The following ZNF875 variants were observed in gnomAD, a reference collection of about 807,000 sequenced individuals.
ZNF875 encodes HKR1, GLI-Kruppel zinc finger family member.
ZNF875 carries 14 observed loss-of-function variants against 11.2 expected under a neutral mutation model. The observed-to-expected ratio is 1.26, with a 90% CI of 0.83 to 1.96. The LOEUF (loss-of-function observed/expected upper bound fraction) is 1.96, where lower values mean the gene tolerates loss of function less well. ZNF875 is among the 30% of genes most tolerant of loss of function. The pLI, the probability that ZNF875 is intolerant of heterozygous loss-of-function variation, is 0.00. For synonymous variants in ZNF875, 301 were observed against 281.1 expected, an observed-to-expected ratio of 1.07 and a Z score of -0.71; for missense variants, 752 against 760.4, an observed-to-expected ratio of 0.99 and a Z score of 0.13.
upstream of ZNF875, among the ~76,000 whole-genome samples, chr19:37,317,473 A>G (rs2030308396): frequency 6.6e-6 from 1 of 152,170 alleles, no homozygotes; most frequent in African/African-American, 2.4e-5. Flanking sequence ...CGCGCCTGGC[A>G]CTAGCCTGTT....
At chr19:37,339,510 GCACC>G (rs1366694643) in intron 2 of ZNF875, among the ~76,000 whole-genome samples, 1 of 150,574 alleles carries the variant, frequency 6.6e-6, no homozygotes, top group East Asian at 1.9e-4. Context: ...GAAGCATTGG[GCACC>G]CACAGCAGTT....
At chr19:37,361,967 AATAG>A in intron 4 of ZNF875, 138 bp from the exon 5 acceptor site, 1 of 627,224 alleles carries the variant, frequency 1.6e-6, no homozygotes, top group Non-Finnish European at 2.8e-6. Flanking sequence ...TGAAATGAAA[AATAG>A]ATGCTGGGAA....
chr19:37,354,484 A>G (rs1389951317), intron 4 of ZNF875, among the ~76,000 whole-genome samples: 1 of 151,626 alleles, frequency 6.6e-6, no homozygotes, highest in Non-Finnish European at 1.5e-5. Context: ...TCTTGTGACC[A>G]TTTCAGTCTG....
At chr19:37,324,389 A>G (rs1447001341) in intron 4 of ZNF875, 2 of 152,214 alleles carry the variant, frequency 1.3e-5, no homozygotes, top group African/African-American at 2.4e-5. Context: ...ACCCATCTGT[A>G]GACCTCAGGC....
At chr19:37,328,612 C>G (rs753276827) in intron 4 of ZNF875, 2 of 152,378 alleles carry the variant, frequency 1.3e-5, no homozygotes, top group Admixed American at 6.5e-5. Context: ...TCACCAGATG[C>G]AGGCCCCTCA....
At chr19:37,356,339 T>C (rs1394810707) in intron 4 of ZNF875, among the ~76,000 whole-genome samples, 1 of 152,232 alleles carries the variant, frequency 6.6e-6, no homozygotes, top group East Asian at 1.9e-4. Context: ...GAAATTTCCA[T>C]ACTGTTTGCC....
At chr19:37,321,436 C>T (rs998919695) in intron 1 of ZNF875, among the ~76,000 whole-genome samples, 4 of 152,146 alleles carry the variant, frequency 2.6e-5, no homozygotes, top group Non-Finnish European at 5.9e-5. Context: ...CCTGCTGACC[C>T]TCTCCCCACT....
chr19:37,323,882 G>A (rs1382636609), intron 3 of ZNF875, among the ~76,000 whole-genome samples: 1 of 152,206 alleles, frequency 6.6e-6, no homozygotes, highest in Non-Finnish European at 1.5e-5. Flanking sequence ...ACACCCCGGT[G>A]CATGTGCATC....
rs774156728 is a variant in ZNF875 at position 37,347,196 on chromosome 19, G to A, written c.40G>A (p.Val14Met). The A allele has an allele frequency of 2.2e-5, 36 of 1,614,042 alleles. No homozygotes were observed. Among genetic ancestry groups the A allele is most frequent in the Admixed American group, 6.7e-5 (4 of 60,016 alleles). ...GGTGTGTTTTGTGTTAAAGGCGTTC[G>A]TGGCATTCAGGGATGTGGCTGTGTA... ...GLLRAKKEAF[V>M]AFRDVAVYFT... is the part of the protein sequence containing the mutation. The change falls in exon 3 of 5, where the codon GTG becomes ATG. Residue 14 changes from valine to methionine, a missense_variant. Physicochemically the swap from Val to Met is conservative, Grantham distance 21 (BLOSUM62 1). Transcript: ENST00000392153.
intron 1 of ZNF875, among the ~76,000 whole-genome samples, chr19:37,321,089 G>T (rs749484211): frequency 6.6e-6 from 1 of 152,128 alleles, no homozygotes; most frequent in African/African-American, 2.4e-5. Flanking sequence ...GTGTAAGGCC[G>T]CAGGGATCTC....
Position 37,362,866 on chromosome 19 carries a change from T to G in ZNF875, c.1014T>G (p.Tyr338Ter). The change falls in exon 5 of 5, where the codon TAT becomes TAG. Residue 338 changes from tyrosine (Y) to a stop codon, truncating the protein, a stop_gained. Transcript: ENST00000392153. LOFTEE classifies it low-confidence loss of function (END_TRUNC). ...HQRTHSGLKP[Y>*]VCKECGQSFS... ...GGACACACTCAGGGCTCAAGCCTTA[T>G]GTGTGCAAGGAATGTGGGCAGAGCT... is the stretch of plus-strand genomic sequence containing the variant. The G allele has an allele frequency of 6.2e-7, 1 of 1,614,158 alleles. No homozygotes were observed. Among genetic ancestry groups the G allele is most frequent in the South Asian group, 1.1e-5 (1 of 91,080 alleles).
chr19:37,358,764 C>T (rs2039394849), intron 4 of ZNF875: 1 of 152,156 alleles, frequency 6.6e-6, no homozygotes, highest in Admixed American at 6.6e-5. Context: ...GGTGATCCAC[C>T]CACCTTGGCC....
rs763563841 is a variant in ZNF875, at chr19:37,363,047, T to C, written c.1195T>C (p.Cys399Arg). Reference sequence around the variant, plus strand: ...AGAGAAGCCTTACATTTGCAGGGAGTGTGAGCAAGGCTTTAGCCAGAAGTC... The same window carrying C: ...AGAGAAGCCTTACATTTGCAGGGAGCGTGAGCAAGGCTTTAGCCAGAAGTC... The part of the protein sequence containing the change: ...SGEKPYICRE[C>R]EQGFSQKSHL... Residue 399 changes from cysteine to arginine, a missense_variant, in exon 5 of 5, where the codon TGT (cysteine) becomes CGT (arginine). By Grantham distance (180) the Cys-to-Arg change is radical (BLOSUM62 -3). Transcript: ENST00000392153. 5.7e-5 allele frequency: 92 copies of C among 1,613,724 alleles called. No homozygotes were observed. The highest frequency in any genetic ancestry group is 7.8e-5 in the Non-Finnish European group (92 of 1,179,980).
chr19:37,336,642 C>A (rs1231294119), intron 2 of ZNF875, among the ~76,000 whole-genome samples: 1 of 151,724 alleles, frequency 6.6e-6, no homozygotes, highest in African/African-American at 2.4e-5. Flanking sequence ...GGCGTGGTGG[C>A]TCAGGCCTGT....
chr19:37,358,368 C>T (rs940811153), intron 4 of ZNF875, among the ~76,000 whole-genome samples: 1 of 151,560 alleles, frequency 6.6e-6, no homozygotes, highest in African/African-American at 2.4e-5. Flanking sequence ...ATCTCCTGAC[C>T]TCGTGATCCG....
intron 2 of ZNF875, chr19:37,344,621 A>T: frequency 7.3e-7 from 1 of 1,370,834 alleles, no homozygotes; most frequent in Admixed American, 1.7e-5. Context: ...TGGCAAGCAG[A>T]TGAATTAACT....
intron 4 of ZNF875, among the ~76,000 whole-genome samples, chr19:37,352,512 G>A (rs2038094495): frequency 6.6e-6 from 1 of 151,936 alleles, no homozygotes; most frequent in Admixed American, 6.6e-5. Context: ...CCAAAGTGCT[G>A]GGATTACAGA....
chr19:37,358,131 ATC>A, intron 4 of ZNF875: 13 of 174,186 alleles, frequency 7.5e-5, no homozygotes, highest in Non-Finnish European at 8.6e-5. Flanking sequence ...TATTAAGATG[ATC>A]TTTTTTTTTT....
upstream of ZNF875, among the ~76,000 whole-genome samples, chr19:37,334,257 C>T (rs2033829600): frequency 6.6e-6 from 1 of 152,216 alleles, no homozygotes; most frequent in South Asian, 2.1e-4. Flanking sequence ...TGAGCCGCGT[C>T]TGTCCCGACC....
Sources: allele counts gnomAD v4.1 joint callset (sites outside exome capture counted in the v4.1 genomes callset), GRCh38; gene constraint gnomAD v4.1.1; transcripts MANE v1.5; gene names NCBI Gene and HGNC (gene_info 2026-07-23, HGNC 2026-07-21).